ITGA11: variants seen among roughly 807,000 people sequenced by gnomAD.
ITGA11 encodes integrin alpha-11.
Under a neutral mutation model 141.9 loss-of-function variants are expected in ITGA11, and 97 were observed. That is an observed-to-expected ratio of 0.68 (90% CI 0.58 to 0.81). The LOEUF is 0.81. Among genes scored for constraint, ITGA11 ranks in the 30% least tolerant of loss-of-function variants. The pLI is 0.00. For missense variants in ITGA11, 1,387 were observed against 1,559.2 expected (o/e 0.89, Z 1.86); for synonymous variants, 658 against 624.6 (o/e 1.05, Z -0.80).
At chr15:68,369,072 A>G in intron 3 of ITGA11, 112 bp downstream of exon 3, 1 of 763,714 alleles carries the variant, frequency 1.3e-6, no homozygotes, top group South Asian at 1.6e-5. Context: ...GGGTCATCTC[A>G]TGGAGTAGCA....
intron 1 of ITGA11, among the ~76,000 whole-genome samples, chr15:68,424,933 A>G (rs1360187843): frequency 6.6e-6 from 1 of 152,228 alleles, no homozygotes; most frequent in Non-Finnish European, 1.5e-5. Flanking sequence ...GTGCCTTTAG[A>G]ACTGCTCCAC....
chr15:68,310,959 C>CA, intron 26 of ITGA11, 35 bp downstream of exon 26: 1 of 1,542,204 alleles, frequency 6.5e-7, no homozygotes, highest in Non-Finnish European at 8.8e-7. Context: ...CCTCTAACCC[C>CA]AACCACTGTG....
Position 68,333,031 on chromosome 15 carries a change from T to C in ITGA11, c.1426-553A>G, listed in dbSNP as rs1294641144. Among the ~76,000 whole-genome samples, 1 of 152,184 alleles carries C rather than the reference T, an allele frequency of 6.6e-6. No homozygotes were observed. The highest frequency in any genetic ancestry group is 1.5e-5 in the Non-Finnish European group (1 of 68,038). On this transcript the variant is annotated intron_variant, in intron 12 of 29. Transcript: ENST00000315757. This position sits in a 1 kb window ranked among gnomAD's most constrained non-coding sequence, Gnocchi z 4.2. Reference sequence around the variant, plus strand: ...TATTATATTTTCATCTACAACATAATCACTGGTCATTCCACAGTGCTCCAA... The same window carrying C: ...TATTATATTTTCATCTACAACATAACCACTGGTCATTCCACAGTGCTCCAA...
chr15:68,394,815 G>A (rs191252040), intron 2 of ITGA11, among the ~76,000 whole-genome samples: 31 of 152,230 alleles, frequency 2.0e-4, no homozygotes. Context: ...GATAAAATTT[G>A]AATGAAATGT....
Position 68,432,016 on chromosome 15 carries a change from T to A in ITGA11, c.51A>T (p.Pro17=). 2.3e-6 allele frequency: 3 copies of A among 1,329,062 alleles called. No individual in the cohort carries two copies. The highest frequency in any genetic ancestry group is 2.9e-6 in the Non-Finnish European group (3 of 1,036,350). 82.3% of individuals were successfully genotyped at this position (1,329,062 alleles called of 1,614,324 possible). The change falls in exon 1 of 30, where the codon CCA becomes CCT. Residue 17 remains proline (P), a splice_region_variant and synonymous_variant. Coordinates refer to ENST00000315757, the MANE Select transcript of ITGA11 (RefSeq NM_001004439.2). ...LVVAWALSLW[P]GFTDTFNMDT... ...GGGAGGCAGAGGGTGGGCACCTACC[T>A]GGCCACAGGCTGAGCGCCCAGGCCA...
At chr15:68,331,164 C>T (rs1284200951) in intron 14 of ITGA11, 53 bp from the exon 15 acceptor site, 19 of 924,028 alleles carry the variant, frequency 2.1e-5, no homozygotes, top group Middle Eastern at 6.8e-4. Flanking sequence ...AGTGTGGGGG[C>T]GGGCGTCCCC....
chr15:68,362,613 T>A (rs964438340), intron 4 of ITGA11, among the ~76,000 whole-genome samples: 1 of 151,430 alleles, frequency 6.6e-6, no homozygotes, highest in African/African-American at 2.4e-5. Context: ...ATGAATGATG[T>A]ATAGATGGAT....
At chr15:68,421,881 T>A (rs1897026329) in intron 1 of ITGA11, among the ~76,000 whole-genome samples, 1 of 151,514 alleles carries the variant, frequency 6.6e-6, no homozygotes, top group Non-Finnish European at 1.5e-5. Context: ...CCGGGACATG[T>A]TCAGGACGAT....
chr15:68,350,754 A>T lies in ITGA11; in HGVS notation c.923T>A (p.Ile308Asn). The T allele has an allele frequency of 6.2e-7, 1 of 1,613,628 alleles. No individual in the cohort carries two copies. Among genetic ancestry groups the T allele is most frequent in the Non-Finnish European group, 8.5e-7 (1 of 1,179,730 alleles). Reference protein sequence around the residue: ...AVLGYYNRRGINPETFLNEIK... With the variant: ...AVLGYYNRRGNNPETFLNEIK... ...TTCATTTAGAAAAGTTTCTGGATTG[A>T]TCCCCCTGCGGTTGTAGTAGCCCAG... The change falls in exon 9 of 30, where the codon ATC (isoleucine) becomes AAC (asparagine). Residue 308 changes from isoleucine to asparagine, a missense_variant. Physicochemically the swap from Ile to Asn is moderately radical, Grantham distance 149 (BLOSUM62 -3). Coordinates refer to ENST00000315757, the MANE Select transcript of ITGA11 (RefSeq NM_001004439.2).
At chr15:68,413,014 A>G (rs1053152641) in intron 1 of ITGA11, among the ~76,000 whole-genome samples, 23 of 152,174 alleles carry the variant, frequency 1.5e-4, no homozygotes, top group Non-Finnish European at 5.9e-5. Flanking sequence ...AATTTTCCAG[A>G]TCAAATAATC....
intron 1 of ITGA11, among the ~76,000 whole-genome samples, chr15:68,403,248 C>G (rs1029322392): frequency 1.5e-4 from 23 of 152,172 alleles, no homozygotes; most frequent in Non-Finnish European, 7.4e-5. Context: ...CCACCCCCGT[C>G]CTGGGGGAGC....
chr15:68,425,217 G>C (rs920349783), intron 1 of ITGA11, among the ~76,000 whole-genome samples: 1 of 152,182 alleles, frequency 6.6e-6, no homozygotes, highest in Non-Finnish European at 1.5e-5. Context: ...GAGCAGGGCC[G>C]GTTTGATGAG....
intron 2 of ITGA11, among the ~76,000 whole-genome samples, chr15:68,397,234 ATGTATTATATTATATTT>A (rs1896302599): frequency 0.17 from 1 of 6 alleles, no homozygotes; most frequent in Non-Finnish European, 0.25. Context: ...ATTATATATT[ATGTATTATATTATATTT>A]TATAAAATAT....
At chr15:68,339,321 C>T (rs150892612) in intron 11 of ITGA11, among the ~76,000 whole-genome samples, 179 bp downstream of exon 11, 60 of 152,272 alleles carry the variant, frequency 3.9e-4, no homozygotes, top group Non-Finnish European at 7.4e-4. Context: ...GTGCTGGGCG[C>T]GGTGGATACC....
chr15:68,425,976 C>G (rs1595902639), intron 1 of ITGA11, among the ~76,000 whole-genome samples: 1 of 152,242 alleles, frequency 6.6e-6, no homozygotes, highest in South Asian at 2.1e-4. Context: ...CGCTTTAGAG[C>G]TGCATCACCC....
At chr15:68,332,590 T>C in intron 12 of ITGA11, 112 bp from the exon 13 acceptor site, 2 of 1,281,014 alleles carry the variant, frequency 1.6e-6, no homozygotes, top group Non-Finnish European at 2.1e-6. Flanking sequence ...TCAGAATTTT[T>C]GGTGAACAAA....
In ITGA11 at chr15:68,413,561, AG is replaced by A. The variant is rs1680875030; in HGVS notation, c.53-10533del. ...GTTTGGACTAGGGTGGGGTGATCTG[AG>A]TTCTAATCTCAGCTTTGTCATTAAC... is the stretch of plus-strand genomic sequence containing the variant. On this transcript the variant is annotated intron_variant, in intron 1 of 29. Transcript: ENST00000315757. Among the ~76,000 whole-genome samples the A allele has an allele frequency of 2.0e-5, 3 of 152,298 alleles. No homozygotes were observed. In the East Asian group the frequency reaches 5.8e-4, roughly 29 times the overall value.
intron 19 of ITGA11, among the ~76,000 whole-genome samples, chr15:68,320,838 T>C (rs1017537378): frequency 6.6e-6 from 1 of 152,254 alleles, no homozygotes; most frequent in African/African-American, 2.4e-5. Context: ...ATGGTATATA[T>C]GTTTTCTATC....
At chr15:68,383,327 G>A (rs142644438) in intron 2 of ITGA11, among the ~76,000 whole-genome samples, 308 of 152,060 alleles carry the variant, frequency 2.0e-3, no homozygotes, top group Middle Eastern at 3.4e-3. Context: ...TCCTCATGAA[G>A]GAGTCAGAGA....
Sources: gnomAD v4.1 joint callset for allele counts (sites outside exome capture counted in the v4.1 genomes callset) on GRCh38, gnomAD v4.1.1 for gene constraint, Gnocchi (gnomAD v3.1) non-coding constraint, MANE v1.5 for transcripts, NCBI Gene and HGNC (gene_info 2026-07-23, HGNC 2026-07-21) for gene names.